The following TEX9 variants were observed in gnomAD, a reference collection of about 807,000 sequenced individuals.
TEX9 encodes testis expressed 9, also known as testis-expressed protein 9.
In TEX9, 74 loss-of-function variants were observed where a neutral mutation model predicts 59.6. The observed-to-expected ratio is 1.24, with a 90% CI of 1.03 to 1.51. TEX9 has a LOEUF of 1.51. Ranked by LOEUF, TEX9 falls within the 40% of genes most tolerant of loss-of-function variation. The probability of loss-of-function intolerance (pLI) is 0.00; values close to 1 mark genes in which losing one functional copy is unlikely to be tolerated. For missense variants in TEX9, 522 were observed against 447.8 expected, an observed-to-expected ratio of 1.17 and a Z score of -1.49; for synonymous variants, 186 against 152.2, an observed-to-expected ratio of 1.22 and a Z score of -1.64.
intron 1 of TEX9, among the ~76,000 whole-genome samples, chr15:56,310,677 G>A (rs2045590722): frequency 6.6e-6 from 1 of 152,118 alleles, no homozygotes; most frequent in African/African-American, 2.4e-5. Context: ...AGCCTGGACA[G>A]GTTAAAGATA....
At position 56,431,917 on chromosome 15, in the gene TEX9, A is replaced by T. The variant is rs572503243; in HGVS notation, c.*29+3444A>T. On this transcript the variant is annotated intron_variant, in intron 12 of 12. Transcript: ENST00000352903. ...GATATTTTCATATATATATATATAAAGATGATATGAAGCATGAGAATTCCA... is the reference window on the plus strand; with the variant it reads ...GATATTTTCATATATATATATATAATGATGATATGAAGCATGAGAATTCCA... Among the ~76,000 whole-genome samples the T allele has an allele frequency of 3.3e-5, 5 of 152,188 alleles. No homozygotes were observed. The East Asian group carries it at 9.6e-4, about 29-fold the overall frequency.
At position 56,246,866 on chromosome 15, in the gene TEX9, G is replaced by A. The variant is rs143366100; in HGVS notation, c.-107+2588G>A. Among the ~76,000 whole-genome samples the A allele has an allele frequency of 2.8e-3, 424 of 152,134 alleles. 4 individuals are homozygous for A. The highest frequency in any genetic ancestry group is 9.3e-3 in the African/African-American group (386 of 41,516). On this transcript the variant is annotated intron_variant, in intron 1 of 5. Transcript: ENST00000560827. Reference sequence around the variant, plus strand: ...CCTGGGAATTCAAACCCTCTGTTTCGATCTCTATAAAAATGAAAATAATGA... The same window carrying A: ...CCTGGGAATTCAAACCCTCTGTTTCAATCTCTATAAAAATGAAAATAATGA...
intron 1 of TEX9, among the ~76,000 whole-genome samples, chr15:56,352,123 T>G (rs1351994204): frequency 6.6e-6 from 1 of 152,202 alleles, no homozygotes; most frequent in African/African-American, 2.4e-5. Context: ...ACTTTAACAC[T>G]TTGTGAATGA....
chr15:56,248,595 T>G (rs1260070883), intron 1 of TEX9, among the ~76,000 whole-genome samples: 7 of 152,256 alleles, frequency 4.6e-5, no homozygotes, highest in African/African-American at 1.7e-4. Context: ...TTTCCACTGT[T>G]GGTACCATAT....
intron 1 of TEX9, among the ~76,000 whole-genome samples, chr15:56,268,857 A>C (rs2044454377): frequency 6.6e-6 from 1 of 151,932 alleles, no homozygotes; most frequent in African/African-American, 2.4e-5. Context: ...GTTAAGGAGG[A>C]TTCCCCCTTT....
chr15:56,339,401 A>AAAAACAAAC (rs2046327414), intron 1 of TEX9, among the ~76,000 whole-genome samples: 2 of 124,196 alleles, frequency 1.6e-5, no homozygotes, highest in African/African-American at 2.9e-5. Context: ...AAAAAAAAAA[A>AAAAACAAAC]AAAAAAAAAA....
intron 1 of TEX9, among the ~76,000 whole-genome samples, chr15:56,258,329 T>G (rs1374745438): frequency 2.0e-5 from 3 of 152,114 alleles, no homozygotes; most frequent in African/African-American, 4.8e-5. Context: ...TGTGAAGAAG[T>G]CGATGGTAGT....
At chr15:56,407,513 T>C (rs1217160250) in intron 9 of TEX9, among the ~76,000 whole-genome samples, 2 of 152,224 alleles carry the variant, frequency 1.3e-5, no homozygotes, top group Non-Finnish European at 2.9e-5. Context: ...TCTTGTATTA[T>C]GTTTATTATA....
At chr15:56,437,625 G>T (rs1248831000) in intron 12 of TEX9, among the ~76,000 whole-genome samples, 1 of 152,164 alleles carries the variant, frequency 6.6e-6, no homozygotes, top group African/African-American at 2.4e-5. Flanking sequence ...GGGCAGTCAG[G>T]CAGGAGAAAG....
chr15:56,404,046 C>G (rs1177501756), intron 9 of TEX9, among the ~76,000 whole-genome samples: 1 of 152,200 alleles, frequency 6.6e-6, no homozygotes, highest in Non-Finnish European at 1.5e-5. Flanking sequence ...AAAACCTATG[C>G]AGTACCATTC....
At chr15:56,367,444 T>C (rs1337081309) in intron 2 of TEX9, among the ~76,000 whole-genome samples, 1 of 152,194 alleles carries the variant, frequency 6.6e-6, no homozygotes, top group East Asian at 1.9e-4. Flanking sequence ...TCCAAAACCT[T>C]TTGCAGTTCT....
intron 1 of TEX9, among the ~76,000 whole-genome samples, chr15:56,259,531 G>A (rs1458157530): frequency 6.6e-6 from 1 of 151,958 alleles, no homozygotes; most frequent in Non-Finnish European, 1.5e-5. Flanking sequence ...CAAAATTGCA[G>A]TGGCATCATT....
chr15:56,453,966 G>T, the TEX9 span, among the ~76,000 whole-genome samples: 2 of 152,086 alleles, frequency 1.3e-5, no homozygotes, highest in African/African-American at 2.4e-5. Context: ...AAGCACCAGA[G>T]CAGTTCCCTG....
intron 12 of TEX9, chr15:56,444,734 T>C: frequency 7.7e-7 from 1 of 1,295,432 alleles, no homozygotes; most frequent in Non-Finnish European, 1.1e-6. Context: ...CGATAGTATA[T>C]TTTACACCAA....
At chr15:56,280,980 G>T (rs1180696860) in intron 1 of TEX9, among the ~76,000 whole-genome samples, 1 of 152,148 alleles carries the variant, frequency 6.6e-6, no homozygotes, top group East Asian at 1.9e-4. Context: ...ATGAATTTAA[G>T]ATTCTTTTTT....
At chr15:56,247,225 T>C (rs188184067) in intron 1 of TEX9, among the ~76,000 whole-genome samples, 284 of 152,322 alleles carry the variant, frequency 1.9e-3, no homozygotes, top group Non-Finnish European at 1.6e-3. Flanking sequence ...ATGCCTGATA[T>C]ATAGCAGTAT....
chr15:56,330,760 A>G (rs1311024055), intron 1 of TEX9, among the ~76,000 whole-genome samples: 2 of 152,018 alleles, frequency 1.3e-5, no homozygotes, highest in African/African-American at 4.8e-5. Context: ...AGAGAAGGCC[A>G]CAAAACCACC....
intron 12 of TEX9, chr15:56,429,900 C>T (rs1413895841): frequency 6.6e-6 from 1 of 152,104 alleles, no homozygotes; most frequent in Non-Finnish European, 1.5e-5. Flanking sequence ...ACAAAAATAT[C>T]AAATCCCAAA....
chr15:56,343,567 A>C (rs1166153654), intron 1 of TEX9, among the ~76,000 whole-genome samples: 1 of 152,104 alleles, frequency 6.6e-6, no homozygotes, highest in Non-Finnish European at 1.5e-5. Context: ...TTTCACTATG[A>C]TCTTGTATTA....
Sources: gnomAD v4.1 joint callset for allele counts (sites outside exome capture counted in the v4.1 genomes callset) on GRCh38, gnomAD v4.1.1 for gene constraint, MANE v1.5 for transcripts, NCBI Gene and HGNC (gene_info 2026-07-23, HGNC 2026-07-21) for gene names.